Variants in VPS33A observed in about 807,000 individuals in gnomAD.
The protein encoded by VPS33A is vacuolar protein sorting-associated protein 33A.
In VPS33A, 32 loss-of-function variants were observed where a neutral mutation model predicts 71.8. The ratio of observed to expected loss-of-function variants is 0.45; its 90% CI spans 0.34 to 0.60. The LOEUF (loss-of-function observed/expected upper bound fraction) is 0.60. VPS33A is among the 20% of genes least tolerant of loss of function. VPS33A has a pLI of 0.02. For missense variants in VPS33A, 625 were observed against 748.5 expected, an observed-to-expected ratio of 0.84 and a Z score of 1.92; for synonymous variants, 311 against 292.7, an observed-to-expected ratio of 1.06 and a Z score of -0.64.
chr12:122,266,120 T>G (rs971036608), intron 1 of VPS33A, among the ~76,000 whole-genome samples, 187 bp downstream of exon 1: 2 of 150,988 alleles, frequency 1.3e-5, no homozygotes, highest in African/African-American at 4.9e-5. Flanking sequence ...GGCTCCAGGC[T>G]GTACGCCCAG....
At chr12:122,234,540 C>T (rs1946103601) in intron 11 of VPS33A, among the ~76,000 whole-genome samples, 1 of 152,172 alleles carries the variant, frequency 6.6e-6, no homozygotes, top group African/African-American at 2.4e-5. Flanking sequence ...GATCCTCCTG[C>T]CTTGGCCTCC....
intron 5 of VPS33A, 32 bp from the exon 6 acceptor site, chr12:122,250,077 C>T (rs766103546): frequency 6.5e-7 from 1 of 1,544,860 alleles, no homozygotes; most frequent in African/African-American, 1.4e-5. Context: ...AGGTGGGGCC[C>T]CCCTGGGAAC....
chr12:122,241,737 C>A (rs1246578485), intron 8 of VPS33A, among the ~76,000 whole-genome samples: 2 of 151,476 alleles, frequency 1.3e-5, no homozygotes, highest in Admixed American at 1.3e-4. Context: ...TAACTACAGG[C>A]ATGTGCCACC....
chr12:122,242,853 C>A (rs1053699977), intron 7 of VPS33A, among the ~76,000 whole-genome samples: 1 of 151,966 alleles, frequency 6.6e-6, no homozygotes, highest in African/African-American at 2.4e-5. Flanking sequence ...CACGCCTGGC[C>A]GATATTTTAA....
At chr12:122,235,969 T>C (rs758295474) in intron 10 of VPS33A, 46 bp from the exon 11 acceptor site, 1 of 1,556,180 alleles carries the variant, frequency 6.4e-7, no homozygotes, top group Non-Finnish European at 8.7e-7. Flanking sequence ...AGGAAAAGGA[T>C]TTCTGCAATT....
chr12:122,243,505 C>A lies in VPS33A; in HGVS notation c.970-997G>T, dbSNP rs139174410. On this transcript the variant is annotated intron_variant, in intron 7 of 12. Transcript: ENST00000267199. ...CCTCCTGCCTCAGCCTCCGACAGTG[C>A]CGGGATGACAGGCGTGAGCCACTGT... 5.9e-5 allele frequency among the ~76,000 whole-genome samples: 9 copies of A among 152,262 alleles called. 1 individual carries two copies. The East Asian group carries it at 1.7e-3, about 29-fold the overall frequency.
chr12:122,266,252 A>C, intron 1 of VPS33A, 55 bp downstream of exon 1: 1 of 1,594,524 alleles, frequency 6.3e-7, no homozygotes, highest in South Asian at 1.1e-5. Flanking sequence ...GGAACGGATT[A>C]AACCAGGCCG....
chr12:122,229,773 ATCTACC>A lies in VPS33A; in HGVS notation c.*2467_*2472del, dbSNP rs1165549677. On this transcript the variant is annotated 3_prime_UTR_variant, in exon 13 of 13. Coordinates refer to ENST00000267199, the MANE Select transcript of VPS33A (RefSeq NM_022916.6). ...ACACAAAGGCGTATAATATATAATTATCTACCATTTTCTATTTGCATACAAATGAAG... is the reference window on the plus strand; with the variant it reads ...ACACAAAGGCGTATAATATATAATTAATTTTCTATTTGCATACAAATGAAG... 24 of 152,266 alleles carry A rather than the reference ATCTACC, an allele frequency of 1.6e-4. No individual in the cohort carries two copies. The highest frequency in any genetic ancestry group is 1.4e-3 in the Admixed American group (21 of 15,286). The allele number at this position is 152,266 out of a possible 1,614,324, so 9.4% of individuals were successfully genotyped here. A position where few individuals can be genotyped will look rare whatever the true frequency, so the allele number is the denominator to read the frequency against.
intron 3 of VPS33A, 143 bp from the exon 4 acceptor site, chr12:122,261,590 C>T (rs970296244): frequency 3.2e-5 from 25 of 773,904 alleles, no homozygotes; most frequent in Non-Finnish European, 3.9e-5. Context: ...ACTCTCAGGC[C>T]GGGTGCAGTG....
intron 11 of VPS33A, among the ~76,000 whole-genome samples, chr12:122,235,514 T>A (rs1954618562): frequency 6.6e-6 from 1 of 152,084 alleles, no homozygotes; most frequent in South Asian, 2.1e-4. Context: ...TCTGCCCGCC[T>A]CGGCCTCCCA....
intron 4 of VPS33A, among the ~76,000 whole-genome samples, chr12:122,261,047 A>G (rs1954986625): frequency 6.6e-6 from 1 of 152,258 alleles, no homozygotes; most frequent in South Asian, 2.1e-4. Flanking sequence ...TGCAGCTTTT[A>G]TAATCCATAA....
At chr12:122,241,993 C>T (rs1318665461) in intron 8 of VPS33A, among the ~76,000 whole-genome samples, 2 of 152,024 alleles carry the variant, frequency 1.3e-5, no homozygotes, top group Non-Finnish European at 2.9e-5. Context: ...CTGCAACCTC[C>T]GCCTTCCAGG....
rs185439509 is a variant in VPS33A, at chr12:122,249,833, A to C, written c.775+38T>G. ...AGCCTCCACAAAGGATATTCTTCTC[A>C]TATTACCTATTAGTGAAAACAGATG... On this transcript the variant is annotated intron_variant, in intron 6 of 12. Coordinates refer to ENST00000267199, the MANE Select transcript of VPS33A (RefSeq NM_022916.6). 1.0e-4 allele frequency: 164 copies of C among 1,568,676 alleles called. 2 individuals are homozygous for C. In the East Asian group the frequency reaches 3.6e-3, roughly 35 times the overall value.
Position 122,232,860 on chromosome 12 carries a change from T to C in VPS33A, c.1549A>G (p.Ile517Val), listed in dbSNP as rs750798693. ...GWRSIEEVLRILPGPHFEERQ... is the reference protein window; with the variant it reads ...GWRSIEEVLRVLPGPHFEERQ... ...TCCTCAAAGTGGGGCCCTGGGAGGA[T>C]GCGGAGGACCTCCTCGATGCTCCGC... Residue 517 changes from isoleucine to valine, a missense_variant, in exon 12 of 13, where the codon ATC (isoleucine) becomes GTC (valine). Ile to Val is a conservative substitution (Grantham distance 29). Coordinates refer to ENST00000267199, the MANE Select transcript of VPS33A (RefSeq NM_022916.6). 2.5e-6 allele frequency: 4 copies of C among 1,614,028 alleles called. No homozygotes were observed. The African/African-American group carries it at 4.0e-5, about 16-fold the overall frequency.
chr12:122,246,972 C>G (rs1242928858), intron 6 of VPS33A, among the ~76,000 whole-genome samples: 1 of 152,136 alleles, frequency 6.6e-6, no homozygotes, highest in Non-Finnish European at 1.5e-5. Context: ...CATACCAAAT[C>G]AAAACTCAGG....
intron 1 of VPS33A, 148 bp downstream of exon 1, chr12:122,266,159 A>C: frequency 8.2e-7 from 1 of 1,221,766 alleles, no homozygotes; most frequent in Non-Finnish European, 1.1e-6. Flanking sequence ...TGCCTCCTGC[A>C]CAGGGGTGCA....
intron 4 of VPS33A, among the ~76,000 whole-genome samples, chr12:122,258,714 C>A (rs1449811076): frequency 2.0e-5 from 3 of 151,860 alleles, no homozygotes; most frequent in Admixed American, 1.3e-4. Context: ...GGCATGGTGG[C>A]TCACGCCTGT....
Position 122,242,336 on chromosome 12 carries a change from G to A in VPS33A, c.1096+46C>T, listed in dbSNP as rs564073903. ...ATGACCTAGGTGTCAAACGTTGTAT[G>A]TGCAAGTAGCCCCAGACTGAAACAA... On this transcript the variant is annotated intron_variant, in intron 8 of 12. Coordinates refer to ENST00000267199, the MANE Select transcript of VPS33A (RefSeq NM_022916.6). 1,443 of 1,593,956 alleles carry A rather than the reference G, an allele frequency of 9.1e-4. 18 individuals carry two copies. The South Asian group carries it at 0.015, about 17-fold the overall frequency.
chr12:122,251,175 T>C (rs1342922874), intron 4 of VPS33A, 76 bp from the exon 5 acceptor site: 1 of 934,914 alleles, frequency 1.1e-6, no homozygotes, highest in Non-Finnish European at 1.7e-6. Context: ...GGGGCTGGGG[T>C]GCAGCGACAG....
Sources: allele counts gnomAD v4.1 joint callset (sites outside exome capture counted in the v4.1 genomes callset), GRCh38; gene constraint gnomAD v4.1.1; transcripts MANE v1.5; gene names NCBI Gene and HGNC (gene_info 2026-07-23, HGNC 2026-07-21).